COL6A5: variants seen among roughly 807,000 people sequenced by gnomAD.
The protein encoded by COL6A5 is collagen alpha-5(VI) chain.
A neutral mutation model predicts 65.6 loss-of-function variants in COL6A5; 48 were observed. The observed-to-expected ratio is 0.73, with a 90% CI of 0.58 to 0.93. COL6A5 has a LOEUF of 0.93. Among genes scored for constraint, COL6A5 ranks in the 40% least tolerant of loss-of-function variants. The pLI, the probability that COL6A5 is intolerant of heterozygous loss-of-function variation, is 0.00. For synonymous variants in COL6A5, 291 were observed against 322.8 expected, an observed-to-expected ratio of 0.90 and a Z score of 1.05; for missense variants, 914 against 928.3, an observed-to-expected ratio of 0.98 and a Z score of 0.20.
At chr3:130,418,546 G>A (rs575773007) in intron 24 of COL6A5, among the ~76,000 whole-genome samples, 42 of 152,170 alleles carry the variant, frequency 2.8e-4, no homozygotes, top group African/African-American at 8.9e-4. Flanking sequence ...TGTTTATTTT[G>A]CAGTTCAATA....
At chr3:130,426,978 G>C (rs940171387), upstream of COL6A5, among the ~76,000 whole-genome samples, 4 of 151,990 alleles carry the variant, frequency 2.6e-5, no homozygotes, top group Non-Finnish European at 5.9e-5. Context: ...GCAAAAGAAA[G>C]AAAAAATATA....
At position 130,403,565 on chromosome 3, in the gene COL6A5, T is replaced by TGG. The variant is rs5852595; in HGVS notation, c.4228-36_4228-35dup. 38 of 1,444,718 alleles carry TGG rather than the reference T, an allele frequency of 2.6e-5. No individual in the cohort carries two copies. The African/African-American group carries it at 4.4e-4, about 17-fold the overall frequency. 89.5% of individuals were successfully genotyped at this position (1,444,718 alleles called of 1,614,324 possible). ...AATGATTTCACAAGTTTGACTTTAT[T>TGG]GGGGGGGGGTGACTAAAATGTATTG... On this transcript the variant is annotated intron_variant and NMD_transcript_variant, in intron 12 of 41. Coordinates refer to the COL6A5 transcript ENST00000312481.
exon 5 of COL6A5, chr3:130,385,183 G>A (rs563079915): frequency 5.9e-4 from 912 of 1,550,994 alleles, no homozygotes; most frequent in Non-Finnish European, 7.3e-4. Context: ...ACAGAGTCGT[G>A]GAACCTGCTA....
Position 130,404,097 on chromosome 3 carries a change from C to T in COL6A5, c.4281+435C>T, listed in dbSNP as rs76078719. Among the ~76,000 whole-genome samples the T allele has an allele frequency of 8.4e-3, 1,278 of 152,268 alleles. 15 individuals are homozygous for T. Among genetic ancestry groups the T allele is most frequent in the African/African-American group, 0.029 (1,213 of 41,554 alleles). ...CCAGTGCTTAGTACATGGCTTTGGG[C>T]CAAGGCTGGAGTATACACCCTTCCA... On this transcript the variant is annotated intron_variant and NMD_transcript_variant, in intron 13 of 41. Transcript: ENST00000312481.
chr3:130,439,403 A>C (rs1034720246), intron 1 of COL6A5, 119 bp from the exon 34 acceptor site: 1 of 641,282 alleles, frequency 1.6e-6, no homozygotes, highest in African/African-American at 1.8e-5. Context: ...TGGAGCAAAG[A>C]GCTATAATGC....
exon 25 of COL6A5, chr3:130,418,886 T>G: frequency 6.4e-7 from 1 of 1,550,784 alleles, no homozygotes; most frequent in Non-Finnish European, 8.7e-7. Flanking sequence ...CTGGACTTCC[T>G]GGAGATCTAG....
At chr3:130,440,312 A>G (rs1329876256) in exon 3 of COL6A5, 1 of 1,613,404 alleles carries the variant, frequency 6.2e-7, no homozygotes, top group Non-Finnish European at 8.5e-7. Flanking sequence ...AGTGATTGAC[A>G]ACTTCAACAT....
chr3:130,461,524 T>C (rs945335755), intron 5 of COL6A5, among the ~76,000 whole-genome samples: 3 of 152,086 alleles, frequency 2.0e-5, no homozygotes, highest in African/African-American at 7.2e-5. Context: ...CACAAATTCA[T>C]GTAGCTTGTA....
intron 1 of COL6A5, among the ~76,000 whole-genome samples, chr3:130,359,750 C>A (rs1394080316): frequency 1.3e-5 from 2 of 152,006 alleles, no homozygotes; most frequent in Non-Finnish European, 2.9e-5. Flanking sequence ...TCTGTGGCTG[C>A]TTTTGGAAGG....
At chr3:130,362,304 ATATATATATATATATATATATATTT>A (rs1308486275) in intron 1 of COL6A5, among the ~76,000 whole-genome samples, 2,840 of 7,534 alleles carry the variant, frequency 0.38, 87 homozygotes, top group South Asian at 0.43. Flanking sequence ...ATATATATAT[ATATATATATATATATATATATATTT>A]TTTTTTTTTT....
chr3:130,451,904 G>C (rs1709450661), intron 4 of COL6A5, among the ~76,000 whole-genome samples: 2 of 152,130 alleles, frequency 1.3e-5, no homozygotes, highest in South Asian at 4.1e-4. Context: ...CAGGTACCAA[G>C]GCCCAGTCAC....
At chr3:130,423,724 T>C (rs1474127133) in intron 28 of COL6A5, 114 bp from the exon 29 acceptor site, 6 of 671,324 alleles carry the variant, frequency 8.9e-6, no homozygotes, top group Admixed American at 6.1e-5. Context: ...CTTCAATTAA[T>C]AGCTGCTATC....
chr3:130,384,850 C>T (rs764995918), exon 5 of COL6A5: 42 of 1,550,160 alleles, frequency 2.7e-5, no homozygotes, highest in Non-Finnish European at 3.5e-5. Context: ...TCATTGATGG[C>T]TCAAGCAGCA....
chr3:130,429,626 T>G (rs1276876774), upstream of COL6A5: 5 of 1,511,342 alleles, frequency 3.3e-6, no homozygotes, highest in South Asian at 1.3e-5. Context: ...AGATCATTAC[T>G]GCTGCATTCC....
intron 1 of COL6A5, among the ~76,000 whole-genome samples, chr3:130,433,037 G>A (rs1320894338): frequency 3.9e-5 from 6 of 152,018 alleles, no homozygotes; most frequent in East Asian, 1.9e-4. Context: ...TATAAAAAAT[G>A]TACAATTTCT....
intron 7 of COL6A5, among the ~76,000 whole-genome samples, chr3:130,481,321 T>A (rs1710236027): frequency 6.6e-6 from 1 of 151,906 alleles, no homozygotes; most frequent in Non-Finnish European, 1.5e-5. Flanking sequence ...CCTGTGTTAG[T>A]TTGCTGAGAA....
At chr3:130,426,274 GA>G in intron 30 of COL6A5, 25 bp downstream of exon 30, 1 of 1,551,200 alleles carries the variant, frequency 6.4e-7, no homozygotes, top group Non-Finnish European at 8.7e-7. Context: ...ATTCATGAAA[GA>G]AAACTCAATA....
rs368667616 is a variant in COL6A5 at position 130,406,333 on chromosome 3, CT to C, written c.4479+16del. On this transcript the variant is annotated intron_variant and NMD_transcript_variant, in intron 17 of 41. Coordinates refer to the COL6A5 transcript ENST00000312481. Reference sequence around the variant, plus strand: ...ATCCAGGATCTCAGGTAACACTTTTCTTTTCAATACTTCAAAGAAGGAGAAT... The same window carrying C: ...ATCCAGGATCTCAGGTAACACTTTTCTTTCAATACTTCAAAGAAGGAGAAT... 31 of 1,540,158 alleles carry C rather than the reference CT, an allele frequency of 2.0e-5. No homozygotes were observed. The African/African-American group carries it at 4.0e-4, about 20-fold the overall frequency.
rs552571385 is a variant in COL6A5 at position 130,353,493 on chromosome 3, C to T, written c.-29+7512C>T. 7.2e-5 allele frequency among the ~76,000 whole-genome samples: 11 copies of T among 152,064 alleles called. No individual in the cohort carries two copies. In the East Asian group the frequency reaches 2.1e-3, roughly 29 times the overall value. ...TGCAAGAGAGAATGAGAAGCAAAGCCAAGAAAGTCCAGAAGGAAAATAAAA... is the reference window on the plus strand; with the variant it reads ...TGCAAGAGAGAATGAGAAGCAAAGCTAAGAAAGTCCAGAAGGAAAATAAAA... On this transcript the variant is annotated intron_variant and NMD_transcript_variant, in intron 1 of 41. Transcript: ENST00000312481.
Sources: allele counts gnomAD v4.1 joint callset (sites outside exome capture counted in the v4.1 genomes callset), GRCh38; gene constraint gnomAD v4.1.1; transcripts MANE v1.5; gene names NCBI Gene and HGNC (gene_info 2026-07-23, HGNC 2026-07-21).